TRAF3IP2: variants seen among roughly 807,000 people sequenced by gnomAD.
TRAF3IP2 encodes the protein E3 ubiquitin ligase TRAF3IP2.
A neutral mutation model predicts 57.9 loss-of-function variants in TRAF3IP2; 35 were observed. The ratio of observed to expected loss-of-function variants is 0.60; its 90% CI spans 0.46 to 0.80. The LOEUF (loss-of-function observed/expected upper bound fraction) is 0.80, where lower values mean the gene tolerates loss of function less well. Among genes scored for constraint, TRAF3IP2 ranks in the 30% least tolerant of loss-of-function variants. The probability of loss-of-function intolerance (pLI) is 0.00; values close to 1 mark genes in which losing one functional copy is unlikely to be tolerated. For synonymous variants in TRAF3IP2, 251 were observed against 268.9 expected (o/e 0.93, Z 0.65); for missense variants, 556 against 706.4 (o/e 0.79, Z 2.41).
In TRAF3IP2 at chr6:111,557,798, G is replaced by A. The variant is rs1202904755; in HGVS notation, c.*1607C>T. The A allele has an allele frequency of 6.6e-6, 1 of 151,868 alleles. No individual in the cohort carries two copies. The highest frequency in any genetic ancestry group is 2.4e-5 in the African/African-American group (1 of 41,382). 9.4% of individuals were successfully genotyped at this position (151,868 alleles called of 1,614,324 possible). ...CCAGCACTTTGGGAGGCCGAGGTGG[G>A]CGGATCACAAGGTCAGGAGTTCGAG... is the stretch of plus-strand genomic sequence containing the variant. On this transcript the variant is annotated 3_prime_UTR_variant, in exon 9 of 9. Coordinates refer to ENST00000368761, the MANE Select transcript of TRAF3IP2 (RefSeq NM_147686.4).
intron 5 of TRAF3IP2, among the ~76,000 whole-genome samples, chr6:111,571,157 C>A (rs1265786130): frequency 2.0e-5 from 3 of 151,384 alleles, no homozygotes; most frequent in Non-Finnish European, 2.9e-5. Context: ...CTCACTGCAA[C>A]CTTCACCTCC....
At chr6:111,580,445 GA>G in intron 2 of TRAF3IP2, 56 bp from the exon 3 acceptor site, 16 of 1,467,296 alleles carry the variant, frequency 1.1e-5, no homozygotes, top group African/African-American at 1.4e-5. Context: ...TCCTTCGTGT[GA>G]AAGGAGTCAT....
chr6:111,570,004 TG>T (rs1795779309), intron 5 of TRAF3IP2, among the ~76,000 whole-genome samples: 2 of 152,160 alleles, frequency 1.3e-5, no homozygotes, highest in African/African-American at 4.8e-5. Context: ...TACCTCAGAA[TG>T]TGACTGTATT....
Position 111,575,706 on chromosome 6 carries a change from T to C in TRAF3IP2, c.1138A>G (p.Arg380Gly). 6.2e-7 allele frequency: 1 copy of C among 1,613,154 alleles called. No homozygotes were observed. The highest frequency in any genetic ancestry group is 8.5e-7 in the Non-Finnish European group (1 of 1,179,738). Reference protein sequence around the residue: ...PQPPSPAAVPRPPSNPPARGT... With the variant: ...PQPPSPAAVPGPPSNPPARGT... ...CTGGCTGGAGGGTTGCTAGGGGGTC[T>C]AGGCACAGCAGCTGGGGACGGAGGC... Residue 380 changes from arginine (R) to glycine (G), a missense_variant, in exon 4 of 9, where the codon AGA becomes GGA. Coordinates refer to ENST00000368761, the MANE Select transcript of TRAF3IP2 (RefSeq NM_147686.4).
intron 4 of TRAF3IP2, among the ~76,000 whole-genome samples, chr6:111,575,006 G>A (rs1432396757): frequency 1.3e-5 from 2 of 152,128 alleles, no homozygotes; most frequent in Non-Finnish European, 2.9e-5. Flanking sequence ...TGGATCACTC[G>A]AATCCAGCAG....
chr6:111,594,536 G>A (rs1409606295), intron 1 of TRAF3IP2: 1 of 450,014 alleles, frequency 2.2e-6, no homozygotes, highest in Admixed American at 2.5e-5. Flanking sequence ...GGGGCTTGGA[G>A]GAGGCTTTAA....
At chr6:111,601,103 G>T in intron 1 of TRAF3IP2, 2 of 677,394 alleles carry the variant, frequency 3.0e-6, no homozygotes, top group South Asian at 3.2e-5. Flanking sequence ...TGGGAGCACT[G>T]ACTGGTTCAG....
intron 6 of TRAF3IP2, chr6:111,567,244 G>A (rs373345407): frequency 2.0e-5 from 20 of 1,015,416 alleles, no homozygotes; most frequent in East Asian, 1.0e-4. Flanking sequence ...TGCAGCCTGC[G>A]AGGCTGCCTA....
At chr6:111,602,829 A>G (rs1188622488) in intron 1 of TRAF3IP2, among the ~76,000 whole-genome samples, 1 of 152,168 alleles carries the variant, frequency 6.6e-6, no homozygotes, top group Non-Finnish European at 1.5e-5. Context: ...AGTATCCCTC[A>G]TTGCTGAGGG....
intron 1 of TRAF3IP2, among the ~76,000 whole-genome samples, chr6:111,603,107 CACACAA>C (rs1169438728): frequency 2.0e-5 from 3 of 151,294 alleles, no homozygotes; most frequent in East Asian, 1.9e-4. Flanking sequence ...CACACACACA[CACACAA>C]GGCGTGCACA....
chr6:111,559,914 C>T (rs911463072), intron 8 of TRAF3IP2, among the ~76,000 whole-genome samples: 13 of 152,152 alleles, frequency 8.5e-5, no homozygotes, highest in Admixed American at 2.0e-4. Flanking sequence ...ATGCCAGGGC[C>T]GTAGGCTTAA....
In TRAF3IP2 at chr6:111,572,884, A is replaced by G; in HGVS notation, c.1290+11T>C. ...TAACTGTTCAGTTATCTATTTGGAC[A>G]AAATACTTACTGCAGTTTGGAAGCC... On this transcript the variant is annotated intron_variant, in intron 5 of 8. Transcript: ENST00000368761. 1.2e-6 allele frequency: 2 copies of G among 1,609,712 alleles called. No individual in the cohort carries two copies. Among genetic ancestry groups the G allele is most frequent in the Non-Finnish European group, 1.7e-6 (2 of 1,176,162 alleles).
chr6:111,567,440 C>G, intron 6 of TRAF3IP2, 184 bp downstream of exon 6: 2 of 1,324,722 alleles, frequency 1.5e-6, no homozygotes, highest in Non-Finnish European at 1.9e-6. Flanking sequence ...CTGTGCATGT[C>G]CAAGAGGGCG....
intron 2 of TRAF3IP2, among the ~76,000 whole-genome samples, chr6:111,582,303 C>G (rs1481120817): frequency 6.6e-6 from 1 of 152,316 alleles, no homozygotes; most frequent in East Asian, 1.9e-4. Flanking sequence ...CCCCTCCATC[C>G]CAGACTGTCT....
At position 111,559,292 on chromosome 6, in the gene TRAF3IP2, GGGAGGAACA is replaced by G. The variant is rs1386059941; in HGVS notation, c.*104_*112del. 3 of 1,442,712 alleles carry G rather than the reference GGGAGGAACA, an allele frequency of 2.1e-6. No homozygotes were observed. The African/African-American group carries it at 4.3e-5, about 21-fold the overall frequency. The allele number at this position is 1,442,712 out of a possible 1,614,324, so 89.4% of individuals were successfully genotyped here. A position where few individuals can be genotyped will look rare whatever the true frequency, so the allele number is the denominator to read the frequency against. ...TTCCTGGGGGCCAGAGGGCCTCTCG[GGGAGGAACA>G]GAAAAAAACCAGCCAGGAGTGCTAC... On this transcript the variant is annotated 3_prime_UTR_variant, in exon 9 of 9. Coordinates refer to ENST00000368761, the MANE Select transcript of TRAF3IP2 (RefSeq NM_147686.4).
intron 7 of TRAF3IP2, chr6:111,565,178 G>C (rs1484459370): frequency 1.3e-5 from 2 of 152,128 alleles, no homozygotes; most frequent in African/African-American, 4.8e-5. Context: ...TGGTGGAAAG[G>C]GAGACAGAGA....
chr6:111,559,243 G>A lies in TRAF3IP2; in HGVS notation c.*162C>T, dbSNP rs564723096. 2.8e-5 allele frequency: 26 copies of A among 922,274 alleles called. No individual in the cohort carries two copies. The East Asian group carries it at 3.3e-4, about 12-fold the overall frequency. 57.1% of individuals were successfully genotyped at this position (922,274 alleles called of 1,614,324 possible). On this transcript the variant is annotated 3_prime_UTR_variant, in exon 9 of 9. Transcript: ENST00000368761. ...AAAGCCAGGGTGTGTGGAGGTCTCC[G>A]GGGAAGAGCTCTGCACAACAGGTTT... is the stretch of plus-strand genomic sequence containing the variant.
chr6:111,571,940 A>G (rs906933073), intron 5 of TRAF3IP2, among the ~76,000 whole-genome samples: 1 of 152,056 alleles, frequency 6.6e-6, no homozygotes, highest in Non-Finnish European at 1.5e-5. Flanking sequence ...ATTATCTTAT[A>G]GAATAAAGAA....
chr6:111,597,394 G>C (rs937335395), intron 1 of TRAF3IP2, among the ~76,000 whole-genome samples: 1 of 152,108 alleles, frequency 6.6e-6, no homozygotes, highest in Non-Finnish European at 1.5e-5. Context: ...AACTGAAAAG[G>C]GTGGGGCACG....
Sources: gnomAD v4.1 joint callset for allele counts (sites outside exome capture counted in the v4.1 genomes callset) on GRCh38, gnomAD v4.1.1 for gene constraint, MANE v1.5 for transcripts, NCBI Gene and HGNC (gene_info 2026-07-23, HGNC 2026-07-21) for gene names.